The following SLF2 variants were observed in gnomAD, a reference collection of about 807,000 sequenced individuals.
SLF2 encodes SMC5/6 complex localization factor 2, also known as SMC5-SMC6 complex localization factor protein 2.
Under a neutral mutation model 124.3 loss-of-function variants are expected in SLF2, and 68 were observed. That is an observed-to-expected ratio of 0.55 (90% CI 0.45 to 0.67). SLF2 has a LOEUF of 0.67. Among genes scored for constraint, SLF2 ranks in the 30% least tolerant of loss-of-function variants. The pLI is 0.00. For missense variants in SLF2, 1,246 were observed against 1,373.7 expected, an observed-to-expected ratio of 0.91 and a Z score of 1.47; for synonymous variants, 480 against 478.8, an observed-to-expected ratio of 1.00 and a Z score of -0.03.
At chr10:100,926,196 C>T in intron 6 of SLF2, 177 bp downstream of exon 6, 1 of 1,549,426 alleles carries the variant, frequency 6.5e-7, no homozygotes, top group Non-Finnish European at 8.7e-7. Flanking sequence ...CCTGTAATCA[C>T]AACACTTTGG....
intron 17 of SLF2, among the ~76,000 whole-genome samples, chr10:100,955,020 A>C (rs1301127902): frequency 1.3e-5 from 2 of 151,498 alleles, no homozygotes; most frequent in Admixed American, 6.6e-5. Flanking sequence ...GCTCACTGAA[A>C]GCTCTGCCTC....
At chr10:100,935,138 G>C (rs568363629) in intron 9 of SLF2, among the ~76,000 whole-genome samples, 1 of 152,072 alleles carries the variant, frequency 6.6e-6, no homozygotes, top group Non-Finnish European at 1.5e-5. Flanking sequence ...GCTCATGCCT[G>C]TAATCCCAGC....
At chr10:100,960,995 C>CTTT (rs1554881638) in intron 19 of SLF2, among the ~76,000 whole-genome samples, 12 of 54,418 alleles carry the variant, frequency 2.2e-4, no homozygotes, top group Admixed American at 7.6e-4. Flanking sequence ...ATATTCTGTA[C>CTTT]TTCTTTTTTT....
intron 1 of SLF2, chr10:100,913,452 T>C (rs1381268847): frequency 7.6e-7 from 1 of 1,320,688 alleles, no homozygotes; most frequent in Non-Finnish European, 9.6e-7. Context: ...GGGCAGCTGC[T>C]CTTGGTCTAG....
At chr10:100,917,909 G>T (rs181806912) in intron 3 of SLF2, among the ~76,000 whole-genome samples, 1 of 151,742 alleles carries the variant, frequency 6.6e-6, no homozygotes, top group Admixed American at 6.6e-5. Context: ...TCGAGACCTT[G>T]GCTCTACTAC....
At position 100,962,182 on chromosome 10, in the gene SLF2, T is replaced by C. The variant is rs573886133; in HGVS notation, c.*270T>C. The C allele has an allele frequency of 1.3e-5, 4 of 305,236 alleles. No individual in the cohort carries two copies. The East Asian group carries it at 2.1e-4, about 16-fold the overall frequency. 18.9% of individuals were successfully genotyped at this position (305,236 alleles called of 1,614,324 possible). A position where few individuals can be genotyped will look rare whatever the true frequency, so the allele number is the denominator to read the frequency against. On this transcript the variant is annotated 3_prime_UTR_variant, in exon 20 of 20. Transcript: ENST00000238961. ...GGGAGGGGTAGAAGCAGAATAATAG[T>C]CATATGTCTAACCTGCCCCAGTTAA...
At chr10:100,937,317 AAAC>A in intron 9 of SLF2, 82 bp from the exon 10 acceptor site, 1 of 1,126,990 alleles carries the variant, frequency 8.9e-7, no homozygotes, top group Non-Finnish European at 1.3e-6. Flanking sequence ...GGCCTACATA[AAAC>A]AACTTTATAT....
intron 3 of SLF2, 56 bp downstream of exon 3, chr10:100,917,356 CTAAATT>C: frequency 6.7e-7 from 1 of 1,500,344 alleles, no homozygotes; most frequent in Non-Finnish European, 8.9e-7. Flanking sequence ...ATTTAGAATA[CTAAATT>C]TAAAAATATT....
chr10:100,962,118 C>A lies in SLF2; in HGVS notation c.*206C>A. Reference sequence around the variant, plus strand: ...AATATGATCTGCTTAATTGTTAAGGCAACTGACCTTTCAAAAGTGCAGAGT... The same window carrying A: ...AATATGATCTGCTTAATTGTTAAGGAAACTGACCTTTCAAAAGTGCAGAGT... On this transcript the variant is annotated 3_prime_UTR_variant, in exon 20 of 20. Coordinates refer to ENST00000238961, the MANE Select transcript of SLF2 (RefSeq NM_018121.4). The A allele has an allele frequency of 2.2e-6, 1 of 444,998 alleles. No individual in the cohort carries two copies. The highest frequency in any genetic ancestry group is 4.0e-6 in the Non-Finnish European group (1 of 252,230). 27.6% of individuals were successfully genotyped at this position (444,998 alleles called of 1,614,324 possible).
At chr10:100,919,784 T>G (rs1252297914) in intron 4 of SLF2, among the ~76,000 whole-genome samples, 2 of 152,256 alleles carry the variant, frequency 1.3e-5, no homozygotes, top group Non-Finnish European at 2.9e-5. Flanking sequence ...TGCTATGCCA[T>G]TTTATGTGCT....
chr10:100,933,101 C>CA (rs1024078671), intron 9 of SLF2, among the ~76,000 whole-genome samples: 4 of 152,020 alleles, frequency 2.6e-5, no homozygotes, highest in Admixed American at 6.6e-5. Flanking sequence ...GACCCCATAT[C>CA]AAAAAAACAA....
intron 3 of SLF2, 117 bp downstream of exon 3, chr10:100,917,417 T>G: frequency 1.7e-6 from 2 of 1,151,162 alleles, no homozygotes; most frequent in Admixed American, 5.8e-5. Context: ...AAGGAAATAC[T>G]TATGCACAGT....
intron 15 of SLF2, 53 bp downstream of exon 15, chr10:100,947,900 G>A (rs1589963038): frequency 4.3e-6 from 6 of 1,404,520 alleles, no homozygotes; most frequent in East Asian, 2.3e-5. Flanking sequence ...AATGAGAGGT[G>A]TAAGGAAAAT....
intron 1 of SLF2, among the ~76,000 whole-genome samples, chr10:100,915,646 C>CAA (rs1849400149): frequency 6.6e-6 from 1 of 152,156 alleles, no homozygotes; most frequent in South Asian, 2.1e-4. Flanking sequence ...CAAGTAGGTT[C>CAA]ATATGCTGAT....
chr10:100,949,989 G>C (rs1850178906), intron 15 of SLF2, 87 bp from the exon 16 acceptor site: 2 of 1,261,198 alleles, frequency 1.6e-6, no homozygotes, highest in East Asian at 4.9e-5. Context: ...AGGACAAAAT[G>C]AAAGAGTACA....
intron 4 of SLF2, 141 bp downstream of exon 4, chr10:100,918,582 G>A: frequency 1.7e-6 from 1 of 579,622 alleles, no homozygotes; most frequent in Non-Finnish European, 3.0e-6. Context: ...AGTTTGGTAA[G>A]ATCATATTAA....
chr10:100,921,478 C>G (rs1054975896), intron 4 of SLF2, among the ~76,000 whole-genome samples: 6 of 152,186 alleles, frequency 3.9e-5, no homozygotes, highest in African/African-American at 1.2e-4. Context: ...AACAAATATT[C>G]TCTACAGGCT....
chr10:100,953,214 G>C (rs866389963), intron 17 of SLF2, among the ~76,000 whole-genome samples: 1 of 151,542 alleles, frequency 6.6e-6, no homozygotes, highest in Admixed American at 6.6e-5. Flanking sequence ...TAGAGATGGG[G>C]TTTCACCATG....
intron 12 of SLF2, 48 bp downstream of exon 12, chr10:100,944,176 A>C: frequency 7.9e-7 from 1 of 1,258,992 alleles, no homozygotes; most frequent in South Asian, 1.4e-5. Context: ...AGAACCATTT[A>C]GTCTGTGGTT....
Sources: gnomAD v4.1 joint callset for allele counts (sites outside exome capture counted in the v4.1 genomes callset) on GRCh38, gnomAD v4.1.1 for gene constraint, MANE v1.5 for transcripts, NCBI Gene and HGNC (gene_info 2026-07-23, HGNC 2026-07-21) for gene names.